Variants in C1QTNF7 observed in about 807,000 individuals in gnomAD.
C1QTNF7 encodes complement C1q tumor necrosis factor-related protein 7.
Under a neutral mutation model 19.6 loss-of-function variants are expected in C1QTNF7, and 15 were observed. The observed-to-expected ratio is 0.76, with a 90% CI of 0.51 to 1.18. C1QTNF7 has a LOEUF of 1.18. C1QTNF7 is among the 50% of genes most tolerant of loss of function. C1QTNF7 has a pLI of 0.00. For synonymous variants in C1QTNF7, 142 were observed against 137.5 expected (o/e 1.03, Z -0.23); for missense variants, 324 against 359.7 (o/e 0.90, Z 0.80).
chr4:15,357,571 C>T (rs1717190785), intron 1 of C1QTNF7, among the ~76,000 whole-genome samples: 1 of 152,108 alleles, frequency 6.6e-6, no homozygotes, highest in African/African-American at 2.4e-5. Flanking sequence ...TATACGGGCT[C>T]TTTTTTGGTT....
chr4:15,434,488 G>A (rs1021895737), intron 1 of C1QTNF7, among the ~76,000 whole-genome samples: 4 of 152,144 alleles, frequency 2.6e-5, no homozygotes, highest in Non-Finnish European at 5.9e-5. Flanking sequence ...TTTCCTTTGG[G>A]AGAGTATACA....
At chr4:15,372,805 A>G (rs756530374) in intron 1 of C1QTNF7, among the ~76,000 whole-genome samples, 2 of 152,220 alleles carry the variant, frequency 1.3e-5, no homozygotes, top group Non-Finnish European at 2.9e-5. Flanking sequence ...CATTCTTAAC[A>G]TTACATGAAA....
upstream of C1QTNF7, among the ~76,000 whole-genome samples, chr4:15,424,410 T>C (rs937367272): frequency 1.3e-5 from 2 of 152,224 alleles, no homozygotes; most frequent in Non-Finnish European, 2.9e-5. Context: ...CTGGCTCCAA[T>C]GTCTGCTATG....
chr4:15,368,684 C>G (rs962166066), intron 1 of C1QTNF7, among the ~76,000 whole-genome samples: 1 of 152,210 alleles, frequency 6.6e-6, no homozygotes, highest in African/African-American at 2.4e-5. Context: ...TTAATCCATT[C>G]TATAATTGAT....
chr4:15,372,312 G>T (rs1242176483), intron 1 of C1QTNF7, among the ~76,000 whole-genome samples: 3 of 152,098 alleles, frequency 2.0e-5, no homozygotes, highest in Non-Finnish European at 2.9e-5. Flanking sequence ...TAGGACTATG[G>T]TCTCTTAAGA....
chr4:15,344,839 T>A (rs1716661912), intron 1 of C1QTNF7, among the ~76,000 whole-genome samples: 1 of 152,204 alleles, frequency 6.6e-6, no homozygotes. Context: ...CTTTTTTCCA[T>A]CCTCCTGGCT....
At chr4:15,421,920 G>A (rs565654687) in intron 1 of C1QTNF7, among the ~76,000 whole-genome samples, 122 of 152,246 alleles carry the variant, frequency 8.0e-4, no homozygotes, top group African/African-American at 2.9e-3. Flanking sequence ...TTAAGTGAAA[G>A]AACAGAGCCT....
chr4:15,441,413 C>T (rs779321440), intron 2 of C1QTNF7, among the ~76,000 whole-genome samples: 3 of 152,140 alleles, frequency 2.0e-5, no homozygotes, highest in Non-Finnish European at 4.4e-5. Flanking sequence ...TAAATATAAG[C>T]AAATCTAATT....
At chr4:15,414,904 GC>G (rs1719537712) in intron 1 of C1QTNF7, among the ~76,000 whole-genome samples, 1 of 152,126 alleles carries the variant, frequency 6.6e-6, no homozygotes, top group Non-Finnish European at 1.5e-5. Flanking sequence ...AATTCAAGAT[GC>G]CTTCCTTACT....
intron 1 of C1QTNF7, among the ~76,000 whole-genome samples, chr4:15,364,973 T>C (rs1717459091): frequency 6.6e-6 from 1 of 152,050 alleles, no homozygotes; most frequent in South Asian, 2.1e-4. Context: ...AAAACTGGAG[T>C]ACTTTTGAAA....
At chr4:15,342,496 A>T (rs1716580234) in intron 1 of C1QTNF7, among the ~76,000 whole-genome samples, 2 of 152,258 alleles carry the variant, frequency 1.3e-5, no homozygotes, top group Non-Finnish European at 2.9e-5. Flanking sequence ...CATTAAAAAC[A>T]GCATAGGAAA....
intron 1 of C1QTNF7, among the ~76,000 whole-genome samples, chr4:15,345,379 C>G (rs1051391589): frequency 2.6e-5 from 4 of 152,194 alleles, no homozygotes; most frequent in Non-Finnish European, 5.9e-5. Context: ...CCAGGCAGCC[C>G]TCCCTTCTGA....
At chr4:15,400,973 C>T (rs146332731) in intron 1 of C1QTNF7, among the ~76,000 whole-genome samples, 1 of 152,240 alleles carries the variant, frequency 6.6e-6, no homozygotes, top group East Asian at 1.9e-4. Flanking sequence ...TTTCTGCCCA[C>T]ACAATTCTTC....
intron 1 of C1QTNF7, among the ~76,000 whole-genome samples, chr4:15,348,905 G>C (rs1014557370): frequency 3.3e-5 from 5 of 152,278 alleles, no homozygotes; most frequent in Non-Finnish European, 7.4e-5. Flanking sequence ...GGCATGCACA[G>C]TGCTCTACAG....
chr4:15,383,030 C>G (rs1286402769), intron 1 of C1QTNF7, among the ~76,000 whole-genome samples: 1 of 152,194 alleles, frequency 6.6e-6, no homozygotes, highest in Non-Finnish European at 1.5e-5. Context: ...GGAGCCTAAG[C>G]ATGCTGATAA....
intron 2 of C1QTNF7, among the ~76,000 whole-genome samples, chr4:15,436,748 C>T (rs773863852): frequency 1.3e-5 from 2 of 152,154 alleles, no homozygotes; most frequent in Non-Finnish European, 2.9e-5. Flanking sequence ...TCTAGACAGG[C>T]TGTGTTAACT....
intron 1 of C1QTNF7, among the ~76,000 whole-genome samples, chr4:15,381,309 C>T (rs1489568105): frequency 1.3e-5 from 2 of 150,082 alleles, no homozygotes; most frequent in Non-Finnish European, 3.0e-5. Flanking sequence ...CCCAGCTACT[C>T]GGGAGGCTGA....
chr4:15,389,962 T>A (rs1327554285), intron 1 of C1QTNF7, among the ~76,000 whole-genome samples: 3 of 152,202 alleles, frequency 2.0e-5, no homozygotes, highest in Non-Finnish European at 2.9e-5. Context: ...TAGTCTGTGA[T>A]GTGAGAGAGG....
intron 1 of C1QTNF7, among the ~76,000 whole-genome samples, chr4:15,363,025 G>T (rs1435163328): frequency 1.3e-5 from 2 of 152,142 alleles, no homozygotes; most frequent in East Asian, 3.9e-4. Context: ...TTGAACCTGG[G>T]TTCCCTGCCT....
Sources: gnomAD v4.1 joint callset for allele counts (sites outside exome capture counted in the v4.1 genomes callset) on GRCh38, gnomAD v4.1.1 for gene constraint, MANE v1.5 for transcripts, NCBI Gene and HGNC (gene_info 2026-07-23, HGNC 2026-07-21) for gene names.